Variants in FLVCR2 observed in about 807,000 individuals in gnomAD.
FLVCR2 encodes FLVCR choline and putative heme transporter 2, also known as choline/ethanolamine transporter FLVCR2.
A neutral mutation model predicts 48.9 loss-of-function variants in FLVCR2; 38 were observed. The observed-to-expected ratio is 0.78, with a 90% confidence interval of 0.60 to 1.02. FLVCR2 has a LOEUF of 1.02. FLVCR2 is among the 50% of genes least tolerant of loss of function. The probability of loss-of-function intolerance (pLI) is 0.00; values close to 1 mark genes in which losing one functional copy is unlikely to be tolerated. For missense variants in FLVCR2, 664 were observed against 663.3 expected, an observed-to-expected ratio of 1.00 and a Z score of -0.01; for synonymous variants, 255 against 257.0, an observed-to-expected ratio of 0.99 and a Z score of 0.07.
intron 1 of FLVCR2, among the ~76,000 whole-genome samples, chr14:75,581,814 A>G (rs141431320): frequency 0.18 from 26,626 of 151,950 alleles, 2,498 homozygotes; most frequent in Middle Eastern, 0.24. Flanking sequence ...TAGAATAGCA[A>G]ATGGAACACT....
rs116618092 is a variant in FLVCR2 at position 75,644,764 on chromosome 14, C to A, written c.1510-1637C>A. Among the ~76,000 whole-genome samples, 1,409 of 152,216 alleles carry A rather than the reference C, an allele frequency of 9.3e-3. 17 individuals carry two copies. Among genetic ancestry groups the A allele is most frequent in the African/African-American group, 0.031 (1,307 of 41,520 alleles). On this transcript the variant is annotated intron_variant, in intron 9 of 9. Transcript: ENST00000238667. The stretch of plus-strand genomic sequence containing the variant: ...CTGGTGTAACTCAGAGACCTGTGGA[C>A]AAATTCATTGTCAGAGTCAGGTGAA...
chr14:75,641,152 T>A, intron 7 of FLVCR2, 30 bp from the exon 8 acceptor site: 1 of 1,574,626 alleles, frequency 6.4e-7, no homozygotes, highest in South Asian at 1.1e-5. Flanking sequence ...GACTGGGCCC[T>A]TGTTTCCTAT....
intron 1 of FLVCR2, among the ~76,000 whole-genome samples, chr14:75,611,789 G>A (rs558925857): frequency 6.6e-6 from 1 of 152,226 alleles, no homozygotes; most frequent in East Asian, 1.9e-4. Context: ...CCAAACCAGA[G>A]ATGATGGTGC....
chr14:75,611,659 G>T (rs1020831588), intron 1 of FLVCR2, among the ~76,000 whole-genome samples: 1 of 152,164 alleles, frequency 6.6e-6, no homozygotes, highest in East Asian at 1.9e-4. Flanking sequence ...GATTGCTTGA[G>T]CCAGGGAAGT....
intron 1 of FLVCR2, among the ~76,000 whole-genome samples, chr14:75,618,886 T>G (rs1021848993): frequency 3.7e-5 from 4 of 108,606 alleles, no homozygotes; most frequent in East Asian, 2.2e-4. Flanking sequence ...AGCAGCAGGG[T>G]TTTTTTTTTT....
At chr14:75,615,504 T>G (rs143688512) in intron 1 of FLVCR2, among the ~76,000 whole-genome samples, 24 of 151,968 alleles carry the variant, frequency 1.6e-4, no homozygotes, top group African/African-American at 5.6e-4. Flanking sequence ...AGACAGGGAG[T>G]GAGCCTCAGC....
intron 1 of FLVCR2, among the ~76,000 whole-genome samples, chr14:75,607,338 A>C (rs1163034169): frequency 2.0e-5 from 3 of 152,246 alleles, no homozygotes; most frequent in Non-Finnish European, 4.4e-5. Context: ...GTGTTAAAAA[A>C]GGTAAACGGA....
chr14:75,637,655 G>C (rs1330352627), intron 5 of FLVCR2, among the ~76,000 whole-genome samples: 1 of 151,580 alleles, frequency 6.6e-6, no homozygotes, highest in African/African-American at 2.4e-5. Context: ...GGTGAACCTG[G>C]GAGGCGGAGC....
chr14:75,624,000 G>A (rs561356043), intron 2 of FLVCR2, among the ~76,000 whole-genome samples: 1 of 151,890 alleles, frequency 6.6e-6, no homozygotes, highest in African/African-American at 2.4e-5. Flanking sequence ...TGCAGTGAGC[G>A]AAGATCACAC....
At chr14:75,584,693 A>T (rs562824340) in intron 1 of FLVCR2, among the ~76,000 whole-genome samples, 1 of 152,286 alleles carries the variant, frequency 6.6e-6, no homozygotes, top group South Asian at 2.1e-4. Context: ...TGGCTCGTGA[A>T]GCCGGCAGTT....
chr14:75,638,816 C>A (rs1326722913), intron 5 of FLVCR2, among the ~76,000 whole-genome samples: 1 of 152,092 alleles, frequency 6.6e-6, no homozygotes, highest in African/African-American at 2.4e-5. Flanking sequence ...TCTTACTTAC[C>A]CTTTGTAGCA....
At position 75,579,476 on chromosome 14, in the gene FLVCR2, G is replaced by C; in HGVS notation, c.504G>C (p.Lys168Asn). 6.2e-7 allele frequency: 1 copy of C among 1,613,442 alleles called. No individual in the cohort carries two copies. Among genetic ancestry groups the C allele is most frequent in the Non-Finnish European group, 8.5e-7 (1 of 1,179,538 alleles). Residue 168 changes from lysine (K) to asparagine (N), a missense_variant, in exon 1 of 10, where the codon AAG becomes AAC. Lys to Asn is a moderately conservative substitution (Grantham distance 94). Transcript: ENST00000238667. ...TCAACTGCCTGGGGGCCTGGGTGAA[G>C]CTGGGCAGCCTGAAGCCGCATCTCT... ...SALNCLGAWVKLGSLKPHLFP... is the reference protein window; with the variant it reads ...SALNCLGAWVNLGSLKPHLFP...
intron 9 of FLVCR2, among the ~76,000 whole-genome samples, chr14:75,645,036 GTGT>G (rs370820276): frequency 0.19 from 27,702 of 146,648 alleles, 2,768 homozygotes; most frequent in East Asian, 0.24. Flanking sequence ...CGGGCGTGGT[GTGT>G]GTGTGTGTGT....
intron 1 of FLVCR2, among the ~76,000 whole-genome samples, chr14:75,606,389 T>C (rs960530606): frequency 2.6e-5 from 4 of 152,196 alleles, no homozygotes; most frequent in Non-Finnish European, 5.9e-5. Flanking sequence ...AGCTGCCTTT[T>C]GAGCAATCTA....
chr14:75,629,717 A>C (rs1276836483), intron 3 of FLVCR2, among the ~76,000 whole-genome samples: 1 of 152,250 alleles, frequency 6.6e-6, no homozygotes, highest in Non-Finnish European at 1.5e-5. Context: ...TGTTGAAAAG[A>C]ATTGTTGAAA....
At chr14:75,610,852 T>G (rs1889424460) in intron 1 of FLVCR2, among the ~76,000 whole-genome samples, 1 of 152,254 alleles carries the variant, frequency 6.6e-6, no homozygotes, top group Non-Finnish European at 1.5e-5. Context: ...ATCTGGCATC[T>G]ACTCGCTTTG....
At chr14:75,638,768 G>A (rs1182971039) in intron 5 of FLVCR2, among the ~76,000 whole-genome samples, 3 of 152,194 alleles carry the variant, frequency 2.0e-5, no homozygotes, top group Non-Finnish European at 4.4e-5. Context: ...TACAGAAAGG[G>A]AACAAAGATA....
chr14:75,613,313 A>G (rs754030165), intron 1 of FLVCR2, among the ~76,000 whole-genome samples: 10 of 152,086 alleles, frequency 6.6e-5, no homozygotes, highest in Non-Finnish European at 1.0e-4. Flanking sequence ...GTGAAAGGCA[A>G]TGATGGAGCT....
rs191337293 is a variant in FLVCR2 at position 75,594,819 on chromosome 14, G to A, written c.669+15178G>A. Among the ~76,000 whole-genome samples the A allele has an allele frequency of 1.1e-3, 168 of 151,860 alleles. 1 individual carries two copies. The highest frequency in any genetic ancestry group is 3.7e-3 in the African/African-American group (152 of 41,376). On this transcript the variant is annotated intron_variant, in intron 1 of 9. Transcript: ENST00000238667. ...ACCTCAGCCCCAACCTCCTGGGCTC[G>A]AGTGATCCCCTGCCTCAGGCTCCAG...
Sources: allele counts gnomAD v4.1 joint callset (sites outside exome capture counted in the v4.1 genomes callset), GRCh38; gene constraint gnomAD v4.1.1; transcripts MANE v1.5; gene names NCBI Gene and HGNC (gene_info 2026-07-23, HGNC 2026-07-21).